Variants in NRXN3 observed in about 807,000 individuals in gnomAD.
NRXN3 encodes the protein neurexin 3.
Under a neutral mutation model 137.6 loss-of-function variants are expected in NRXN3, and 32 were observed. The observed-to-expected ratio is 0.23, with a 90% CI of 0.18 to 0.31. NRXN3 has a LOEUF of 0.31. Among genes scored for constraint, NRXN3 ranks in the 10% least tolerant of loss-of-function variants. The pLI is 1.00. For missense variants in NRXN3, 1,574 were observed against 2,062.5 expected (o/e 0.76, Z 4.59); for synonymous variants, 798 against 784.5 (o/e 1.02, Z -0.29).
intron 15 of NRXN3, among the ~76,000 whole-genome samples, chr14:79,245,183 C>CTAAG (rs111498665): frequency 0.037 from 5,574 of 152,128 alleles, 233 homozygotes; most frequent in African/African-American, 0.099. Context: ...GCTACTTGAC[C>CTAAG]TAAGCATCTT....
At chr14:78,995,863 A>G (rs2153091952) in intron 15 of NRXN3, among the ~76,000 whole-genome samples, 1 of 152,340 alleles carries the variant, frequency 6.6e-6, no homozygotes, top group South Asian at 2.1e-4. Flanking sequence ...TTTTAGATTT[A>G]AAAGTGGTAA....
chr14:79,821,713 A>G (rs1468537423), intron 20 of NRXN3, among the ~76,000 whole-genome samples: 2 of 133,166 alleles, frequency 1.5e-5, no homozygotes, highest in African/African-American at 5.6e-5. Context: ...TGATAATCCC[A>G]GAGTTTATAT....
intron 1 of NRXN3, among the ~76,000 whole-genome samples, chr14:78,172,708 G>A (rs1157975814): frequency 6.6e-6 from 1 of 152,004 alleles, no homozygotes; most frequent in Non-Finnish European, 1.5e-5. Flanking sequence ...AACAGGGCTG[G>A]GTTTATTTTT....
At chr14:79,752,438 G>A (rs113710604) in intron 19 of NRXN3, among the ~76,000 whole-genome samples, 10,197 of 152,116 alleles carry the variant, frequency 0.067, 1,119 homozygotes, top group African/African-American at 0.23. Context: ...TCTGATCTTT[G>A]ACAAACCTGA....
At chr14:79,794,565 A>G (rs1403761764) in intron 19 of NRXN3, among the ~76,000 whole-genome samples, 1 of 152,064 alleles carries the variant, frequency 6.6e-6, no homozygotes, top group Non-Finnish European at 1.5e-5. Flanking sequence ...TCAAAGGGAG[A>G]GCATGAGCTC....
intron 8 of NRXN3, among the ~76,000 whole-genome samples, chr14:78,756,133 G>A (rs998300860): frequency 5.9e-5 from 9 of 152,126 alleles, no homozygotes; most frequent in Non-Finnish European, 7.4e-5. Flanking sequence ...CAATGTTTAT[G>A]TATTTTGTGT....
chr14:78,202,445 A>G (rs917211200), intron 1 of NRXN3, among the ~76,000 whole-genome samples: 1 of 152,188 alleles, frequency 6.6e-6, no homozygotes, highest in African/African-American at 2.4e-5. Flanking sequence ...TGGACTTACT[A>G]TAACCAGACA....
At chr14:79,206,397 A>G (rs76847030) in intron 15 of NRXN3, among the ~76,000 whole-genome samples, 4,767 of 152,272 alleles carry the variant, frequency 0.031, 220 homozygotes, top group East Asian at 0.17. Flanking sequence ...ATCAGATGGC[A>G]TGGGCTCTAT....
intron 4 of NRXN3, among the ~76,000 whole-genome samples, chr14:78,593,366 T>C (rs935469558): frequency 1.3e-5 from 2 of 152,200 alleles, no homozygotes; most frequent in Non-Finnish European, 2.9e-5. Context: ...ATGGAGGCCT[T>C]CTGAGAGGCC....
At position 78,911,977 on chromosome 14, in the gene NRXN3, T is replaced by A. The variant is rs577662493; in HGVS notation, c.2276-45265T>A. 3.4e-3 allele frequency among the ~76,000 whole-genome samples: 522 copies of A among 151,942 alleles called. 3 individuals are homozygous for A. The highest frequency in any genetic ancestry group is 0.012 in the African/African-American group (486 of 41,442). ...GGTACATGTGCACAACGTGCAGGTT[T>A]GTTACATATGTATACATGTGCCATG... On this transcript the variant is annotated intron_variant, in intron 10 of 20. Coordinates refer to ENST00000335750, the MANE Select transcript of NRXN3 (RefSeq NM_001330195.2).
intron 15 of NRXN3, among the ~76,000 whole-genome samples, chr14:79,115,407 T>C (rs769497896): frequency 1.3e-5 from 2 of 152,102 alleles, no homozygotes; most frequent in Non-Finnish European, 2.9e-5. Flanking sequence ...TAATGGTAAT[T>C]ATTTGATAAG....
Position 78,968,328 on chromosome 14 carries a change from A to C in NRXN3, c.3124A>C (p.Ile1042Leu), listed in dbSNP as rs767865072. Residue 1042 changes from isoleucine (I) to leucine (L), a missense_variant, in exon 14 of 21, where the codon ATC (isoleucine) becomes CTC (leucine). This residue lies in a region of NRXN3 where 718 missense variants were observed against 887.6 expected (regional missense o/e 0.81). Coordinates refer to ENST00000335750, the MANE Select transcript of NRXN3 (RefSeq NM_001330195.2). ...TGATGCTCTTCATCGGAGCGGACAG[A>C]TCGAGCGTGGCTGTGAAGGTACAAC... ...INDALHRSGQ[I>L]ERGCEGPSTT... 9 of 1,613,608 alleles carry C rather than the reference A, an allele frequency of 5.6e-6. No homozygotes were observed. Among genetic ancestry groups the C allele is most frequent in the Non-Finnish European group, 7.6e-6 (9 of 1,179,748 alleles).
chr14:78,871,971 C>A (rs1386011411), intron 10 of NRXN3, among the ~76,000 whole-genome samples: 1 of 151,910 alleles, frequency 6.6e-6, no homozygotes, highest in Non-Finnish European at 1.5e-5. Context: ...CATAGATATT[C>A]CTGCAAAGCT....
chr14:78,511,166 A>T (rs969329161), intron 4 of NRXN3, among the ~76,000 whole-genome samples: 1 of 152,170 alleles, frequency 6.6e-6, no homozygotes, highest in Non-Finnish European at 1.5e-5. Flanking sequence ...AGCAACAACA[A>T]CAACAACAAA....
intron 8 of NRXN3, among the ~76,000 whole-genome samples, chr14:78,732,196 T>A (rs1168531847): frequency 6.6e-6 from 1 of 152,180 alleles, no homozygotes; most frequent in East Asian, 1.9e-4. Flanking sequence ...CTGCCTCTCA[T>A]ACATTGTCAC....
intron 10 of NRXN3, among the ~76,000 whole-genome samples, chr14:78,817,848 A>C (rs1596174657): frequency 9.2e-6 from 1 of 108,464 alleles, no homozygotes; most frequent in African/African-American, 8.3e-5. Context: ...CTGCCACCAC[A>C]AAAAAAAAGG....
At chr14:78,676,118 G>T (rs986508784) in intron 6 of NRXN3, among the ~76,000 whole-genome samples, 1 of 152,012 alleles carries the variant, frequency 6.6e-6, no homozygotes, top group Non-Finnish European at 1.5e-5. Flanking sequence ...TTGACATTAG[G>T]CCAATTAATA....
At chr14:78,867,667 A>C (rs77377404) in intron 10 of NRXN3, among the ~76,000 whole-genome samples, 3,634 of 152,234 alleles carry the variant, frequency 0.024, 145 homozygotes, top group African/African-American at 0.082. Flanking sequence ...GGAGGAAAAG[A>C]ATGTCCTTAT....
chr14:79,530,586 G>GT (rs1302919001), intron 16 of NRXN3, among the ~76,000 whole-genome samples: 17 of 134,874 alleles, frequency 1.3e-4, no homozygotes, highest in African/African-American at 4.3e-4. Context: ...AGAAAAAGAG[G>GT]TTTTTTGTTT....
Sources: gnomAD v4.1 joint callset for allele counts (sites outside exome capture counted in the v4.1 genomes callset) on GRCh38, gnomAD v4.1.1 for gene constraint, gnomAD v4.1.1 regional missense constraint, MANE v1.5 for transcripts, NCBI Gene and HGNC (gene_info 2026-07-23, HGNC 2026-07-21) for gene names.